Variants in GUCY2F observed in about 807,000 individuals in gnomAD.
GUCY2F encodes the protein retinal guanylyl cyclase 2.
Under a neutral mutation model 73.1 loss-of-function variants are expected in GUCY2F, and 61 were observed. The observed-to-expected ratio is 0.83, with a 90% CI of 0.68 to 1.03. The LOEUF (loss-of-function observed/expected upper bound fraction) is 1.03. GUCY2F is among the 50% of genes least tolerant of loss of function. The probability of loss-of-function intolerance (pLI) is 0.00; values close to 1 mark genes in which losing one functional copy is unlikely to be tolerated. For missense variants in GUCY2F, 912 were observed against 854.3 expected (o/e 1.07, Z -0.84); for synonymous variants, 331 against 307.8 (o/e 1.08, Z -0.79).
Position 109,392,841 on chromosome X carries a change from AAC to A in GUCY2F, c.2588+49_2588+50del, listed in dbSNP as rs751059530. On this transcript the variant is annotated intron_variant, in intron 13 of 19. Coordinates refer to ENST00000218006, the MANE Select transcript of GUCY2F (RefSeq NM_001522.3). Reference sequence around the variant, plus strand: ...TTTTTTCTTTCTCTTTTTTTTTTTTAACAGAACACACTGTTATAAGGATTCAC... The same window carrying A: ...TTTTTTCTTTCTCTTTTTTTTTTTTAAGAACACACTGTTATAAGGATTCAC... The A allele has an allele frequency of 3.4e-5, 26 of 760,408 alleles. No individual in the cohort carries two copies. The Admixed American group carries it at 8.2e-4, about 24-fold the overall frequency. The allele number at this position is 760,408 out of a possible 1,213,427, so 62.7% of individuals were successfully genotyped here.
chrX:109,378,647 T>C (rs1267173152), intron 17 of GUCY2F, among the ~76,000 whole-genome samples: 1 of 111,218 alleles, frequency 9.0e-6, no homozygotes, highest in African/African-American at 3.3e-5. Context: ...ACACTGCTTG[T>C]GTGTGTATGC....
chrX:109,443,907 G>C lies in GUCY2F; in HGVS notation c.1570-2425C>G, dbSNP rs187964004. On this transcript the variant is annotated intron_variant, in intron 6 of 19. Coordinates refer to ENST00000218006, the MANE Select transcript of GUCY2F (RefSeq NM_001522.3). ...TTTTACTACTAAACATCCATTTCTC[G>C]ATAAAACATCCTGTCACAAAAGTGA... Among the ~76,000 whole-genome samples, 6 of 112,026 alleles carry C rather than the reference G, an allele frequency of 5.4e-5. No homozygotes were observed. In the East Asian group the frequency reaches 1.7e-3, roughly 31 times the overall value.
intron 9 of GUCY2F, among the ~76,000 whole-genome samples, 167 bp downstream of exon 9, chrX:109,408,825 C>T (rs113269824): frequency 0.15 from 16,253 of 111,461 alleles, 2,661 homozygotes; most frequent in African/African-American, 0.49. Flanking sequence ...TTAAACATCT[C>T]TTTCTTCCCA....
At chrX:109,379,373 T>C (rs1049473882) in intron 17 of GUCY2F, among the ~76,000 whole-genome samples, 7 of 98,361 alleles carry the variant, frequency 7.1e-5, no homozygotes, top group Non-Finnish European at 1.4e-4. Flanking sequence ...GCATTTCAAA[T>C]GTTCTCACCA....
intron 10 of GUCY2F, among the ~76,000 whole-genome samples, chrX:109,403,552 A>T (rs1930898644): frequency 8.9e-6 from 1 of 111,742 alleles, no homozygotes; most frequent in African/African-American, 3.3e-5. Context: ...TCATGACTCT[A>T]AGACGAGTTT....
chrX:109,439,085 C>T (rs1359259538), intron 7 of GUCY2F, among the ~76,000 whole-genome samples: 1 of 111,907 alleles, frequency 8.9e-6, no homozygotes. Context: ...TGGATACTAC[C>T]GAGATGTATG....
At chrX:109,463,433 C>CT (rs755756631) in intron 3 of GUCY2F, among the ~76,000 whole-genome samples, 6,258 of 83,912 alleles carry the variant, frequency 0.075, 838 homozygotes, top group African/African-American at 0.27. Flanking sequence ...TTTCCTCACT[C>CT]TTTTTTTTTT....
intron 1 of GUCY2F, among the ~76,000 whole-genome samples, chrX:109,481,286 G>A (rs978625019): frequency 8.9e-6 from 1 of 112,088 alleles, no homozygotes; most frequent in Non-Finnish European, 1.9e-5. Flanking sequence ...GAATACTACT[G>A]GCCCACAGTT....
At chrX:109,375,789 TCA>T in intron 19 of GUCY2F, 107 bp downstream of exon 19, 4 of 580,102 alleles carry the variant, frequency 6.9e-6, no homozygotes, top group Non-Finnish European at 1.2e-5. Context: ...TCCAGCTCCA[TCA>T]CACTATGCCA....
At chrX:109,398,904 C>G (rs1022991999) in intron 10 of GUCY2F, among the ~76,000 whole-genome samples, 1 of 111,779 alleles carries the variant, frequency 8.9e-6, no homozygotes, top group Non-Finnish European at 1.9e-5. Flanking sequence ...TCTCTCCACC[C>G]CAGGACCACG....
At chrX:109,445,057 G>A (rs1931968319) in intron 6 of GUCY2F, among the ~76,000 whole-genome samples, 2 of 111,357 alleles carry the variant, frequency 1.8e-5, no homozygotes, top group Admixed American at 9.6e-5. Context: ...CGTACAACAT[G>A]GTGCTCATTG....
chrX:109,404,544 A>G, intron 9 of GUCY2F, 60 bp from the exon 10 acceptor site: 2 of 820,615 alleles, frequency 2.4e-6, no homozygotes, highest in Non-Finnish European at 3.6e-6. Context: ...TGCTTTTAAC[A>G]CCAATTTCTG....
intron 3 of GUCY2F, among the ~76,000 whole-genome samples, chrX:109,463,074 C>G (rs1932394407): frequency 9.0e-6 from 1 of 111,587 alleles, no homozygotes; most frequent in Admixed American, 9.6e-5. Flanking sequence ...GAACAAGAAT[C>G]AGCAAAATAT....
At chrX:109,427,094 A>G (rs757452741) in intron 8 of GUCY2F, among the ~76,000 whole-genome samples, 5 of 112,155 alleles carry the variant, frequency 4.5e-5, no homozygotes, top group African/African-American at 1.3e-4. Flanking sequence ...ATTTCACCAC[A>G]TGGTCATGAT....
Position 109,388,622 on chromosome X carries a change from G to C in GUCY2F, c.2823C>G (p.Leu941=). 2.5e-6 allele frequency: 3 copies of C among 1,200,799 alleles called. No homozygotes were observed. Among genetic ancestry groups the C allele is most frequent in the Non-Finnish European group, 2.3e-6 (2 of 886,022 alleles). The part of the protein sequence containing the change: ...IGDAYMVASG[L]PKRNGSRHAA... ...CATGCCTACTGCCATTCCTCTTTGGGAGGCCTGAAGCCACCATGTAGGCAT... is the reference window on the plus strand; with the variant it reads ...CATGCCTACTGCCATTCCTCTTTGGCAGGCCTGAAGCCACCATGTAGGCAT... Residue 941 remains leucine (L), a synonymous_variant, in exon 15 of 20, where the codon CTC becomes CTG. Transcript: ENST00000218006.
At chrX:109,374,557 G>T (rs953240531) in intron 19 of GUCY2F, among the ~76,000 whole-genome samples, 1 of 111,714 alleles carries the variant, frequency 9.0e-6, no homozygotes, top group Non-Finnish European at 1.9e-5. Context: ...CTTGTACAGT[G>T]CCTCCAATGC....
intron 10 of GUCY2F, among the ~76,000 whole-genome samples, chrX:109,403,613 T>C (rs1603380486): frequency 8.9e-6 from 1 of 112,096 alleles, no homozygotes; most frequent in African/African-American, 3.2e-5. Context: ...CCCAAAACTT[T>C]GGTAGTGCCA....
chrX:109,441,481 CT>C lies in GUCY2F; in HGVS notation c.1570del (p.Arg524GlufsTer7). The C allele has an allele frequency of 8.5e-7, 1 of 1,170,610 alleles. No individual in the cohort carries two copies. Among genetic ancestry groups the C allele is most frequent in the Non-Finnish European group, 1.1e-6 (1 of 873,530 alleles). ...GAAGCTTACACTGGCACGACTTCCT[CT>C]CTGTGAAAGGATTAGGAAAGAAAAG... ...TFINPHFGSK[R>X]GSRASVSFQI... On this transcript the variant is annotated frameshift_variant and splice_region_variant, in exon 7 of 20. Transcript: ENST00000218006. LOFTEE classifies it high-confidence loss of function.
At chrX:109,450,228 C>T (rs1309066116) in intron 5 of GUCY2F, among the ~76,000 whole-genome samples, 1 of 111,538 alleles carries the variant, frequency 9.0e-6, no homozygotes, top group African/African-American at 3.3e-5. Context: ...TCATGTCCCT[C>T]TCCAATAATT....
Sources: gnomAD v4.1 joint callset for allele counts (sites outside exome capture counted in the v4.1 genomes callset) on GRCh38, gnomAD v4.1.1 for gene constraint, MANE v1.5 for transcripts, NCBI Gene and HGNC (gene_info 2026-07-23, HGNC 2026-07-21) for gene names.